CLASP2: variants seen among roughly 807,000 people sequenced by gnomAD.
The protein encoded by CLASP2 is cytoplasmic linker associated protein 2, also known as CLIP-associating protein 2.
Under a neutral mutation model 194.4 loss-of-function variants are expected in CLASP2, and 47 were observed. The ratio of observed to expected loss-of-function variants is 0.24; its 90% confidence interval spans 0.19 to 0.31. The LOEUF (loss-of-function observed/expected upper bound fraction) is 0.31. CLASP2 is among the 10% of genes least tolerant of loss of function. CLASP2 has a pLI of 1.00. For missense variants in CLASP2, 1,445 were observed against 1,823.6 expected (o/e 0.79, Z 3.78); for synonymous variants, 619 against 633.5 (o/e 0.98, Z 0.34).
chr3:33,695,608 G>A (rs1222835955), intron 2 of CLASP2, among the ~76,000 whole-genome samples: 1 of 152,036 alleles, frequency 6.6e-6, no homozygotes, highest in Non-Finnish European at 1.5e-5. Flanking sequence ...TAAATGTGAT[G>A]ATATACTGAT....
At chr3:33,574,793 A>G (rs573813417) in intron 24 of CLASP2, among the ~76,000 whole-genome samples, 5 of 152,264 alleles carry the variant, frequency 3.3e-5, no homozygotes, top group African/African-American at 1.2e-4. Context: ...GTGTATTTCT[A>G]TGATTTTCTC....
At position 33,530,507 on chromosome 3, in the gene CLASP2, G is replaced by A. The variant is rs796424457; in HGVS notation, c.3787+4726C>T. Among the ~76,000 whole-genome samples, 13 of 152,104 alleles carry A rather than the reference G, an allele frequency of 8.5e-5. No individual in the cohort carries two copies. In the South Asian group the frequency reaches 1.0e-3, roughly 12 times the overall value. On this transcript the variant is annotated intron_variant, in intron 34 of 38. Coordinates refer to ENST00000682230, the MANE Select transcript of CLASP2 (RefSeq NM_001365631.1). ...ACAAATAAATAAACAAACCAGTAAC[G>A]CAGTTGTTTATTAAGGATATTAAGT...
At chr3:33,515,241 T>C (rs919212221) in intron 36 of CLASP2, among the ~76,000 whole-genome samples, 1 of 152,312 alleles carries the variant, frequency 6.6e-6, no homozygotes, top group South Asian at 2.1e-4. Context: ...TAGTCCCTAT[T>C]TGAACATTTT....
At chr3:33,578,925 T>C (rs901579658) in intron 23 of CLASP2, among the ~76,000 whole-genome samples, 1 of 152,164 alleles carries the variant, frequency 6.6e-6, no homozygotes, top group Admixed American at 6.5e-5. Context: ...AGGCTAAACT[T>C]GTGATTCATC....
chr3:33,550,317 A>G (rs1352926328), intron 30 of CLASP2, among the ~76,000 whole-genome samples: 1 of 144,842 alleles, frequency 6.9e-6, no homozygotes, highest in Non-Finnish European at 1.5e-5. Context: ...AATCACTTGA[A>G]TTGGAAGGTG....
intron 29 of CLASP2, among the ~76,000 whole-genome samples, chr3:33,552,252 G>A (rs112504207): frequency 0.016 from 2,416 of 151,638 alleles, 59 homozygotes; most frequent in African/African-American, 0.055. Context: ...CCAAGTAGCC[G>A]GAATTACAGG....
chr3:33,563,656 G>A (rs181292378), intron 27 of CLASP2, among the ~76,000 whole-genome samples: 3 of 152,282 alleles, frequency 2.0e-5, no homozygotes, highest in East Asian at 1.9e-4. Context: ...AAGCATGGCC[G>A]TGTGTCAATA....
At chr3:33,657,987 A>G (rs1170504186) in intron 7 of CLASP2, among the ~76,000 whole-genome samples, 1 of 152,190 alleles carries the variant, frequency 6.6e-6, no homozygotes, top group Admixed American at 6.5e-5. Context: ...CTGGCAAAAA[A>G]ACACTCAAAA....
At chr3:33,586,754 ACTACTT>A (rs2154219793) in intron 21 of CLASP2, among the ~76,000 whole-genome samples, 1 of 152,298 alleles carries the variant, frequency 6.6e-6, no homozygotes, top group East Asian at 1.9e-4. Flanking sequence ...CTTCGTGGGC[ACTACTT>A]CTACCCAGTA....
In CLASP2 at chr3:33,592,742, T is replaced by C. The variant is rs1374027052; in HGVS notation, c.1967-246A>G. The stretch of plus-strand genomic sequence containing the variant: ...AAAAGATTTACATTCTTAGTTTATA[T>C]ATTAGTCCAGCAGTTACAATTAAGA... On this transcript the variant is annotated intron_variant, in intron 20 of 38. Transcript: ENST00000682230. The C allele has an allele frequency of 2.7e-5, 14 of 516,732 alleles. No homozygotes were observed. The East Asian group carries it at 5.3e-4, about 20-fold the overall frequency. 32.0% of individuals were successfully genotyped at this position (516,732 alleles called of 1,614,324 possible).
Position 33,510,740 on chromosome 3 carries a change from C to T in CLASP2, c.4135G>A (p.Ala1379Thr), listed in dbSNP as rs781723103. 5 of 1,611,732 alleles carry T rather than the reference C, an allele frequency of 3.1e-6. No homozygotes were observed. The highest frequency in any genetic ancestry group is 1.1e-5 in the South Asian group (1 of 90,762). ...CTAATTGAAGTGGCCAACACTGATG[C>T]CGCTTCCTCAGCAGATCTCACCACC... ...KEVVRSAEEA[A>T]SVLATSISPE... is the part of the protein sequence containing the mutation. Residue 1379 changes from alanine to threonine, a missense_variant, in exon 37 of 39, where the codon GCA (alanine) becomes ACA (threonine). Physicochemically the swap from Ala to Thr is moderately conservative, Grantham distance 58. Around this residue, in one of 4 missense-constraint regions of CLASP2, gnomAD observed 732 missense variants for 987.9 expected, o/e 0.74. Coordinates refer to ENST00000682230, the MANE Select transcript of CLASP2 (RefSeq NM_001365631.1).
intron 34 of CLASP2, among the ~76,000 whole-genome samples, chr3:33,533,951 G>C (rs931598861): frequency 6.6e-6 from 1 of 152,186 alleles, no homozygotes; most frequent in Non-Finnish European, 1.5e-5. Context: ...CTGGCCTCAA[G>C]TGATTCACCC....
At chr3:33,599,772 G>A (rs902461303) in intron 18 of CLASP2, among the ~76,000 whole-genome samples, 1 of 152,130 alleles carries the variant, frequency 6.6e-6, no homozygotes, top group African/African-American at 2.4e-5. Flanking sequence ...GGTAGGGTGG[G>A]GTGAAGGGAG....
In CLASP2 at chr3:33,596,747, C is replaced by A. The variant is rs1487079215; in HGVS notation, c.1925-13G>T. The A allele has an allele frequency of 9.6e-6, 15 of 1,557,330 alleles. No individual in the cohort carries two copies. Among genetic ancestry groups the A allele is most frequent in the Non-Finnish European group, 1.3e-5 (15 of 1,147,996 alleles). ...TCAGAAGTATCCTCTTTGATGAAAG[C>A]ACAAGCAAAGAACAGAGGAAAACTT... is the stretch of plus-strand genomic sequence containing the variant. On this transcript the variant is annotated splice_polypyrimidine_tract_variant and intron_variant, in intron 18 of 38. Coordinates refer to ENST00000682230, the MANE Select transcript of CLASP2 (RefSeq NM_001365631.1).
chr3:33,648,787 T>C (rs1197259553), intron 7 of CLASP2, among the ~76,000 whole-genome samples: 4 of 152,222 alleles, frequency 2.6e-5, no homozygotes, highest in Admixed American at 2.6e-4. Context: ...CTGATTTTTA[T>C]ATGTGGATTG....
chr3:33,644,513 G>T, intron 8 of CLASP2: 3 of 411,636 alleles, frequency 7.3e-6, no homozygotes, highest in Non-Finnish European at 8.9e-6. Flanking sequence ...TTTTCAAAAT[G>T]GCATCTGAAA....
At chr3:33,563,664 A>G (rs1194998466) in intron 27 of CLASP2, among the ~76,000 whole-genome samples, 1 of 152,206 alleles carries the variant, frequency 6.6e-6, no homozygotes. Flanking sequence ...CCGTGTGTCA[A>G]TATAACTTTA....
chr3:33,507,984 A>G (rs76188053), intron 37 of CLASP2, among the ~76,000 whole-genome samples: 6,744 of 143,444 alleles, frequency 0.047, 238 homozygotes, highest in Non-Finnish European at 0.072. Context: ...GTGTGTGTGT[A>G]TATATATAAT....
At chr3:33,576,010 G>T in intron 24 of CLASP2, 159 bp downstream of exon 24, 1 of 596,438 alleles carries the variant, frequency 1.7e-6, no homozygotes, top group Non-Finnish European at 3.0e-6. Context: ...TAAGGATCAA[G>T]AATTAATTAT....
Sources: allele counts gnomAD v4.1 joint callset (sites outside exome capture counted in the v4.1 genomes callset), GRCh38; gene constraint gnomAD v4.1.1; regional missense constraint gnomAD v4.1.1; transcripts MANE v1.5; gene names NCBI Gene and HGNC (gene_info 2026-07-23, HGNC 2026-07-21).